Variants in CSMD3 observed in about 807,000 individuals in gnomAD.
CSMD3 encodes the protein CUB and Sushi multiple domains 3.
CSMD3 carries 177 observed loss-of-function variants against 435.2 expected under a neutral mutation model. That is an observed-to-expected ratio of 0.41 (90% CI 0.36 to 0.46). The LOEUF is 0.46. Ranked by LOEUF, CSMD3 falls within the 20% of genes least tolerant of loss-of-function variation. The pLI is 0.34. For synonymous variants in CSMD3, 1,656 were observed against 1,520.5 expected (o/e 1.09, Z -2.07); for missense variants, 4,265 against 4,504.6 (o/e 0.95, Z 1.52).
intron 4 of CSMD3, among the ~76,000 whole-genome samples, chr8:113,137,255 T>C (rs899734709): frequency 6.6e-6 from 1 of 151,702 alleles, no homozygotes; most frequent in Non-Finnish European, 1.5e-5. Flanking sequence ...AAAATTTAAA[T>C]GATGGCGGTT....
chr8:113,409,143 G>A (rs2094546819), intron 1 of CSMD3, among the ~76,000 whole-genome samples: 1 of 145,596 alleles, frequency 6.9e-6, no homozygotes, highest in African/African-American at 2.6e-5. Context: ...GAGTGCAGTG[G>A]TGGGATCTCA....
Position 112,535,678 on chromosome 8 carries a change from G to C in CSMD3, c.4564+14993C>G, listed in dbSNP as rs549508184. Among the ~76,000 whole-genome samples, 11 of 152,062 alleles carry C rather than the reference G, an allele frequency of 7.2e-5. No individual in the cohort carries two copies. The South Asian group carries it at 2.3e-3, about 32-fold the overall frequency. ...CAGAATTGGAAAAAACTACTTTAAA[G>C]TTCATATGGAACCAAAAAAGAGCCC... On this transcript the variant is annotated intron_variant, in intron 27 of 70. Coordinates refer to ENST00000297405, the MANE Select transcript of CSMD3 (RefSeq NM_198123.2).
intron 13 of CSMD3, among the ~76,000 whole-genome samples, chr8:112,736,722 T>A (rs1172416412): frequency 1.3e-5 from 2 of 152,022 alleles, no homozygotes; most frequent in Admixed American, 1.3e-4. Flanking sequence ...ATAGAAACCA[T>A]GTCTCCTTTC....
At chr8:113,245,456 A>C (rs1393975267) in intron 3 of CSMD3, among the ~76,000 whole-genome samples, 1 of 152,068 alleles carries the variant, frequency 6.6e-6, no homozygotes, top group Non-Finnish European at 1.5e-5. Context: ...AGATTAAAAC[A>C]CATGCATTTA....
intron 1 of CSMD3, among the ~76,000 whole-genome samples, chr8:113,377,838 C>T (rs1056615492): frequency 5.9e-5 from 9 of 152,000 alleles, no homozygotes; most frequent in Non-Finnish European, 2.9e-5. Context: ...GTTATTTATT[C>T]AATACTTTCA....
intron 32 of CSMD3, among the ~76,000 whole-genome samples, chr8:112,437,113 C>T (rs1814443908): frequency 6.6e-6 from 1 of 151,788 alleles, no homozygotes; most frequent in Non-Finnish European, 1.5e-5. Flanking sequence ...GTGCCTAAAC[C>T]AAAAGGGATA....
At chr8:112,728,915 ACAT>A (rs1342762426) in intron 13 of CSMD3, among the ~76,000 whole-genome samples, 1 of 152,076 alleles carries the variant, frequency 6.6e-6, no homozygotes, top group East Asian at 1.9e-4. Context: ...TACATAATAG[ACAT>A]CAGCAAACTG....
At chr8:112,735,792 C>A (rs1157574052) in intron 13 of CSMD3, among the ~76,000 whole-genome samples, 1 of 151,880 alleles carries the variant, frequency 6.6e-6, no homozygotes, top group Non-Finnish European at 1.5e-5. Context: ...AAAAGATCTC[C>A]CCAGAACAAT....
intron 5 of CSMD3, among the ~76,000 whole-genome samples, chr8:113,086,105 A>G (rs111785744): frequency 0.67 from 101,802 of 151,544 alleles, 35,793 homozygotes; most frequent in East Asian, 0.95. Context: ...AAAATTAGCC[A>G]GGCGTGGGTG....
At chr8:112,440,658 G>A (rs528544769) in intron 32 of CSMD3, among the ~76,000 whole-genome samples, 1 of 152,316 alleles carries the variant, frequency 6.6e-6, no homozygotes, top group East Asian at 1.9e-4. Flanking sequence ...CTCTGAAATC[G>A]AGGCAGAGGT....
chr8:112,707,483 C>CGGGG (rs148037760), intron 13 of CSMD3, among the ~76,000 whole-genome samples: 1 of 89,148 alleles, frequency 1.1e-5, no homozygotes, highest in Non-Finnish European at 2.1e-5. Context: ...GGTGGTGCGG[C>CGGGG]GGGAGGGGGG....
At chr8:112,599,053 A>C (rs1832051209) in intron 22 of CSMD3, among the ~76,000 whole-genome samples, 1 of 149,412 alleles carries the variant, frequency 6.7e-6, no homozygotes, top group South Asian at 2.1e-4. Context: ...TCTGCACAGC[A>C]AAAGAAACTA....
Position 112,314,891 on chromosome 8 carries a change from T to C in CSMD3, c.7361-274A>G, listed in dbSNP as rs371529407. ...CATAAATAAAATATAAGCCATTTAA[T>C]GCCTCCTCTTTCTTCACATTTTTCC... On this transcript the variant is annotated intron_variant, in intron 47 of 70. Transcript: ENST00000297405. 5.9e-5 allele frequency among the ~76,000 whole-genome samples: 9 copies of C among 152,056 alleles called. No individual in the cohort carries two copies. In the East Asian group the frequency reaches 1.4e-3, roughly 23 times the overall value.
chr8:113,210,044 G>A (rs28690409), intron 3 of CSMD3, among the ~76,000 whole-genome samples: 31,135 of 149,344 alleles, frequency 0.21, 5,237 homozygotes, highest in African/African-American at 0.47. Context: ...GTGTGTGTGT[G>A]TGATACACAG....
At chr8:113,323,908 T>C (rs1335929576) in intron 1 of CSMD3, among the ~76,000 whole-genome samples, 3 of 152,216 alleles carry the variant, frequency 2.0e-5, no homozygotes, top group Admixed American at 6.5e-5. Context: ...AATATTTCTA[T>C]TGTGTTTTAT....
chr8:112,722,898 T>A (rs980124612), intron 13 of CSMD3, among the ~76,000 whole-genome samples: 1 of 152,058 alleles, frequency 6.6e-6, no homozygotes, highest in African/African-American at 2.4e-5. Context: ...AATCACAAAA[T>A]ATGTTGGGTT....
intron 3 of CSMD3, among the ~76,000 whole-genome samples, chr8:113,213,989 A>G (rs2092870485): frequency 6.6e-6 from 1 of 152,034 alleles, no homozygotes; most frequent in Non-Finnish European, 1.5e-5. Context: ...CCCTCCCCTC[A>G]CAAGCATACA....
At position 112,336,816 on chromosome 8, in the gene CSMD3, C is replaced by G. The variant is rs1274893331; in HGVS notation, c.6855G>C (p.Gly2285=). 6.2e-7 allele frequency: 1 copy of G among 1,612,508 alleles called. No homozygotes were observed. Among genetic ancestry groups the G allele is most frequent in the Non-Finnish European group, 8.5e-7 (1 of 1,178,746 alleles). Residue 2285 remains glycine (G), a synonymous_variant, in exon 44 of 71, where the codon GGG becomes GGC. Transcript: ENST00000297405. The stretch of plus-strand genomic sequence containing the variant: ...TGGTGCCATTCATTGCAGTTATATT[C>G]CCACCACAAAGAGCTACGGAAAAAG... ...PLPRCEALCG[G]NITAMNGTIY... is the part of the protein sequence containing the mutation.
At chr8:112,984,370 T>C (rs1279778103) in intron 6 of CSMD3, among the ~76,000 whole-genome samples, 1 of 152,080 alleles carries the variant, frequency 6.6e-6, no homozygotes, top group African/African-American at 2.4e-5. Flanking sequence ...ATCATTTATA[T>C]TTGACTTCAA....
Sources: gnomAD v4.1 joint callset for allele counts (sites outside exome capture counted in the v4.1 genomes callset) on GRCh38, gnomAD v4.1.1 for gene constraint, MANE v1.5 for transcripts, NCBI Gene and HGNC (gene_info 2026-07-23, HGNC 2026-07-21) for gene names.